Variants in ANKS1B observed in about 807,000 individuals in gnomAD.
ANKS1B encodes the protein ankyrin repeat and sterile alpha motif domain containing 1B, also known as ankyrin repeat and sterile alpha motif domain-containing protein 1B.
A neutral mutation model predicts 148.3 loss-of-function variants in ANKS1B; 36 were observed. The observed-to-expected ratio is 0.24, with a 90% CI of 0.19 to 0.32. The LOEUF is 0.32. Ranked by LOEUF, ANKS1B falls within the 10% of genes least tolerant of loss-of-function variation. ANKS1B has a pLI of 1.00. For synonymous variants in ANKS1B, 542 were observed against 560.8 expected, an observed-to-expected ratio of 0.97 and a Z score of 0.47; for missense variants, 1,157 against 1,542.6, an observed-to-expected ratio of 0.75 and a Z score of 4.19.
At chr12:99,347,150 T>C (rs1419740961) in intron 12 of ANKS1B, among the ~76,000 whole-genome samples, 1 of 151,914 alleles carries the variant, frequency 6.6e-6, no homozygotes, top group Non-Finnish European at 1.5e-5. Context: ...CTCAGAACTC[T>C]CCCAGGGCAC....
At chr12:98,771,615 A>G (rs117963352) in intron 25 of ANKS1B, among the ~76,000 whole-genome samples, 64 of 152,272 alleles carry the variant, frequency 4.2e-4, no homozygotes, top group Non-Finnish European at 8.4e-4. Flanking sequence ...CTGGGACTAC[A>G]GGCATGTGCT....
chr12:99,902,820 G>A (rs1355290712), intron 1 of ANKS1B, among the ~76,000 whole-genome samples: 3 of 149,610 alleles, frequency 2.0e-5, no homozygotes, highest in Non-Finnish European at 4.4e-5. Context: ...GCACCATCTC[G>A]GCTCATTGCA....
Position 99,404,088 on chromosome 12 carries a change from A to G in ANKS1B, c.1576-4277T>C, listed in dbSNP as rs1232725048. 1.4e-5 allele frequency among the ~76,000 whole-genome samples: 2 copies of G among 146,496 alleles called. 1 individual carries two copies. Among genetic ancestry groups the G allele is most frequent in the African/African-American group, 5.2e-5 (2 of 38,600 alleles). On this transcript the variant is annotated intron_variant, in intron 11 of 26. Coordinates refer to ENST00000683438, the MANE Select transcript of ANKS1B (RefSeq NM_001352186.2). ...AACTAACACAAGAACAGAAAACCAA[A>G]TATTGCATGTTCTCACTTATATGTG...
At chr12:99,462,399 T>C (rs2095994957) in intron 10 of ANKS1B, among the ~76,000 whole-genome samples, 1 of 152,238 alleles carries the variant, frequency 6.6e-6, no homozygotes, top group Non-Finnish European at 1.5e-5. Context: ...AGGGAGCCTT[T>C]GGATGGCTAT....
At chr12:99,051,445 C>A (rs2099966007) in intron 17 of ANKS1B, among the ~76,000 whole-genome samples, 2 of 152,078 alleles carry the variant, frequency 1.3e-5, no homozygotes, top group Non-Finnish European at 2.9e-5. Flanking sequence ...CAAGCTATTC[C>A]ATTAACTAAT....
intron 9 of ANKS1B, among the ~76,000 whole-genome samples, chr12:99,617,023 C>CA (rs1044754619): frequency 4.6e-5 from 7 of 151,938 alleles, no homozygotes; most frequent in African/African-American, 1.2e-4. Flanking sequence ...TTTATGTGGC[C>CA]AAAAAACACA....
At chr12:99,247,261 C>T (rs1235417582) in intron 12 of ANKS1B, among the ~76,000 whole-genome samples, 4 of 152,132 alleles carry the variant, frequency 2.6e-5, no homozygotes, top group South Asian at 2.1e-4. Context: ...AAGTAGAACA[C>T]TAGGCAGGTA....
rs113269172 is a variant in ANKS1B, at chr12:98,851,414, C to T, written c.2779-19278G>A. ...TTCCAAGTAAAGAGCTATAGGAAGG[C>T]GATTCTACACAGAGGAGACACCGTG... On this transcript the variant is annotated intron_variant, in intron 17 of 26. Transcript: ENST00000683438. Among the ~76,000 whole-genome samples, 384 of 151,536 alleles carry T rather than the reference C, an allele frequency of 2.5e-3. 2 individuals carry two copies. Among genetic ancestry groups the T allele is most frequent in the African/African-American group, 9.0e-3 (372 of 41,238 alleles).
chr12:99,007,901 G>A (rs1487568428), intron 17 of ANKS1B, among the ~76,000 whole-genome samples: 1 of 151,754 alleles, frequency 6.6e-6, no homozygotes, highest in African/African-American at 2.4e-5. Flanking sequence ...GACATGATGG[G>A]TTCTTCGAAG....
chr12:99,102,497 T>TAAGA (rs1491088346), intron 15 of ANKS1B, among the ~76,000 whole-genome samples: 30 of 152,142 alleles, frequency 2.0e-4, no homozygotes, highest in Non-Finnish European at 4.3e-4. Context: ...TAATCCCAGC[T>TAAGA]TTTTGGGAGG....
intron 8 of ANKS1B, among the ~76,000 whole-genome samples, chr12:99,718,484 G>A (rs537823991): frequency 6.6e-6 from 1 of 152,056 alleles, no homozygotes; most frequent in Non-Finnish European, 1.5e-5. Flanking sequence ...GCTCAATGCC[G>A]ATATCCCATC....
intron 9 of ANKS1B, among the ~76,000 whole-genome samples, chr12:99,533,635 C>A (rs939639684): frequency 3.9e-5 from 6 of 152,150 alleles, no homozygotes; most frequent in Admixed American, 6.5e-5. Flanking sequence ...ATGCTTTCAA[C>A]TTTTCCCCAT....
chr12:99,001,352 C>G (rs1402674080), intron 17 of ANKS1B, among the ~76,000 whole-genome samples: 2 of 152,108 alleles, frequency 1.3e-5, no homozygotes, highest in Non-Finnish European at 2.9e-5. Flanking sequence ...TGATCTCAAA[C>G]TCTTAGACTG....
intron 14 of ANKS1B, among the ~76,000 whole-genome samples, chr12:99,192,831 TTA>T (rs1321489206): frequency 6.6e-6 from 1 of 152,044 alleles, no homozygotes; most frequent in Non-Finnish European, 1.5e-5. Flanking sequence ...ATTAAGAAGA[TTA>T]TCTCTGTTTT....
chr12:99,085,369 TAAAA>T, intron 15 of ANKS1B, among the ~76,000 whole-genome samples: 1 of 146,532 alleles, frequency 6.8e-6, no homozygotes, highest in East Asian at 2.0e-4. Flanking sequence ...AATAAATAAA[TAAAA>T]AAAGATCCAA....
intron 10 of ANKS1B, among the ~76,000 whole-genome samples, chr12:99,493,230 A>G (rs909677805): frequency 5.3e-5 from 8 of 152,250 alleles, no homozygotes; most frequent in Admixed American, 5.2e-4. Context: ...GTAGTTAAAA[A>G]TCTGTATCTT....
At chr12:99,334,058 A>G (rs904276236) in intron 12 of ANKS1B, among the ~76,000 whole-genome samples, 2 of 151,756 alleles carry the variant, frequency 1.3e-5, no homozygotes, top group Non-Finnish European at 2.9e-5. Flanking sequence ...AATATTTATA[A>G]TTCTGGGTCA....
At chr12:99,799,034 C>T (rs2066607353) in intron 4 of ANKS1B, among the ~76,000 whole-genome samples, 1 of 152,082 alleles carries the variant, frequency 6.6e-6, no homozygotes, top group African/African-American at 2.4e-5. Flanking sequence ...TCACTTCAAG[C>T]TTCTATCCGC....
At position 98,751,688 on chromosome 12, in the gene ANKS1B, C is replaced by A. The variant is rs1003172861; in HGVS notation, c.3580-166G>T. ...TACAAAGAACAGGACACTCCGGGTC[C>A]AACTTAGGGTTTACACCAGGCTTTA... On this transcript the variant is annotated intron_variant, in intron 25 of 26. Coordinates refer to ENST00000683438, the MANE Select transcript of ANKS1B (RefSeq NM_001352186.2). The surrounding 1 kb of genome is among the most constrained non-coding windows in gnomAD (Gnocchi z 4.3). 1.3e-5 allele frequency among the ~76,000 whole-genome samples: 2 copies of A among 152,164 alleles called. No individual in the cohort carries two copies. The highest frequency in any genetic ancestry group is 4.8e-5 in the African/African-American group (2 of 41,420).
Sources: allele counts gnomAD v4.1 joint callset (sites outside exome capture counted in the v4.1 genomes callset), GRCh38; gene constraint gnomAD v4.1.1; non-coding constraint Gnocchi (gnomAD v3.1); transcripts MANE v1.5; gene names NCBI Gene and HGNC (gene_info 2026-07-23, HGNC 2026-07-21).